Variants in GSPT1 observed in about 807,000 individuals in gnomAD.
GSPT1 encodes G1 to S phase transition 1, also known as eukaryotic peptide chain release factor GTP-binding subunit ERF3A.
In GSPT1, 20 loss-of-function variants were observed where a neutral mutation model predicts 72.5. The ratio of observed to expected loss-of-function variants is 0.28; its 90% CI spans 0.19 to 0.40. The LOEUF is 0.40. Among genes scored for constraint, GSPT1 ranks in the 10% least tolerant of loss-of-function variants. The pLI, the probability that GSPT1 is intolerant of heterozygous loss-of-function variation, is 1.00. For missense variants in GSPT1, 580 were observed against 811.9 expected (o/e 0.71, Z 3.47); for synonymous variants, 334 against 293.5 (o/e 1.14, Z -1.41).
At chr16:11,880,792 A>G (rs956444740) in intron 11 of GSPT1, among the ~76,000 whole-genome samples, 2 of 151,776 alleles carry the variant, frequency 1.3e-5, no homozygotes, top group Non-Finnish European at 3.0e-5. Flanking sequence ...GGAGTTCTTC[A>G]TATATTCTAG....
chr16:11,899,867 T>C (rs1383638577), intron 1 of GSPT1, among the ~76,000 whole-genome samples: 3 of 152,144 alleles, frequency 2.0e-5, no homozygotes, highest in Non-Finnish European at 4.4e-5. Flanking sequence ...TGCCTGCACT[T>C]ATTCCACTGA....
intron 2 of GSPT1, 45 bp downstream of exon 2, chr16:11,897,949 A>G: frequency 2.7e-6 from 4 of 1,457,732 alleles, no homozygotes; most frequent in Non-Finnish European, 3.8e-6. Context: ...CCATATAGAC[A>G]ACCTAATGTT....
chr16:11,876,769 A>C (rs949268736), intron 12 of GSPT1, among the ~76,000 whole-genome samples: 17 of 152,166 alleles, frequency 1.1e-4, no homozygotes, highest in African/African-American at 4.1e-4. Context: ...CAGCAGGCCA[A>C]CTTTCTTATC....
In GSPT1 at chr16:11,877,258, AT is replaced by A. The variant is rs2054060418; in HGVS notation, c.1602+148del. On this transcript the variant is annotated intron_variant, in intron 12 of 14. Coordinates refer to ENST00000434724, the MANE Select transcript of GSPT1 (RefSeq NM_002094.4). The surrounding 1 kb of genome is among the most constrained non-coding windows in gnomAD (Gnocchi z 4.0). ...ATGAGGTGCCTATTGTGGTTATGAT[AT>A]ATAAGTGGCTTATAATATTTCCATT... The A allele has an allele frequency of 5.2e-6, 3 of 576,290 alleles. No homozygotes were observed. The Admixed American group carries it at 1.1e-4, about 20-fold the overall frequency. 35.7% of individuals were successfully genotyped at this position (576,290 alleles called of 1,614,324 possible). A position where few individuals can be genotyped will look rare whatever the true frequency, so the allele number is the denominator to read the frequency against.
At chr16:11,876,225 A>G in intron 12 of GSPT1, 50 bp from the exon 13 acceptor site, 1 of 1,123,916 alleles carries the variant, frequency 8.9e-7, no homozygotes, top group Non-Finnish European at 1.4e-6. Flanking sequence ...GGTAAATAAG[A>G]ATTCAATGTT....
chr16:11,914,931 G>A (rs1234192588), intron 1 of GSPT1: 4 of 1,023,208 alleles, frequency 3.9e-6, no homozygotes, highest in African/African-American at 3.3e-5. Context: ...TGGGCCTAAG[G>A]TGAAAGGAAA....
chr16:11,915,148 T>C (rs2054615239), intron 1 of GSPT1: 1 of 1,040,678 alleles, frequency 9.6e-7, no homozygotes, highest in Non-Finnish European at 1.2e-6. Context: ...TCCGGGTCTT[T>C]GGGCGCGCTG....
chr16:11,913,310 C>G (rs960149462), intron 1 of GSPT1, among the ~76,000 whole-genome samples: 1 of 152,312 alleles, frequency 6.6e-6, no homozygotes, highest in African/African-American at 2.4e-5. Flanking sequence ...AAAACATGAA[C>G]TGGCATTTTG....
chr16:11,905,966 A>G (rs2054484121), intron 1 of GSPT1, among the ~76,000 whole-genome samples: 1 of 152,268 alleles, frequency 6.6e-6, no homozygotes, highest in Non-Finnish European at 1.5e-5. Flanking sequence ...AGTAGTCTCA[A>G]CAAGTTGGCA....
chr16:11,878,822 T>G (rs1355316573), intron 11 of GSPT1, among the ~76,000 whole-genome samples: 1 of 151,766 alleles, frequency 6.6e-6, no homozygotes, highest in Non-Finnish European at 1.5e-5. Context: ...CCTCAGCATT[T>G]TGGGAGGCCG....
At chr16:11,916,047 C>T (rs2054634243), upstream of GSPT1, 3 of 617,730 alleles carry the variant, frequency 4.9e-6, no homozygotes, top group South Asian at 1.4e-5. Flanking sequence ...CGTACCTTCG[C>T]CTCGGTAGTT....
chr16:11,895,425 C>G (rs1417379712), intron 4 of GSPT1: 1 of 82,750 alleles, frequency 1.2e-5, no homozygotes, highest in Admixed American at 1.5e-4. Flanking sequence ...GAGTGAAACT[C>G]CATCTCAAAA....
At chr16:11,892,524 A>AAAAAAAAAAAAT (rs1567443285) in intron 5 of GSPT1, among the ~76,000 whole-genome samples, 2 of 126,646 alleles carry the variant, frequency 1.6e-5, no homozygotes, top group African/African-American at 7.5e-5. Flanking sequence ...CAAAAAAAAC[A>AAAAAAAAAAAAT]AAAAAAACAA....
chr16:11,915,154 C>T (rs2054615390), intron 1 of GSPT1: 1 of 1,032,510 alleles, frequency 9.7e-7, no homozygotes, highest in South Asian at 3.8e-5. Flanking sequence ...TCTTTGGGCG[C>T]GCTGCCCGCT....
intron 1 of GSPT1, among the ~76,000 whole-genome samples, chr16:11,900,367 A>G (rs1016795172): frequency 1.3e-5 from 2 of 151,880 alleles, no homozygotes; most frequent in Non-Finnish European, 2.9e-5. Context: ...ATACATATAT[A>G]TATGTATTGA....
At chr16:11,882,733 T>C (rs556017255) in intron 11 of GSPT1, among the ~76,000 whole-genome samples, 2 of 151,972 alleles carry the variant, frequency 1.3e-5, no homozygotes, top group African/African-American at 2.4e-5. Context: ...GATGGGAGGA[T>C]TGTTTGAGGC....
intron 1 of GSPT1, among the ~76,000 whole-genome samples, chr16:11,900,999 G>GCAAAACAAAAAACA (rs955207651): frequency 6.6e-6 from 1 of 150,728 alleles, no homozygotes; most frequent in Non-Finnish European, 1.5e-5. Context: ...ACCAAAAAAA[G>GCAAAACAAAAAACA]AAAAACAAAA....
Position 11,904,025 on chromosome 16 carries a change from C to G in GSPT1, c.353-5990G>C, listed in dbSNP as rs190958762. 2.3e-4 allele frequency: 51 copies of G among 222,648 alleles called. No homozygotes were observed. The South Asian group carries it at 2.8e-3, about 12-fold the overall frequency. The allele number at this position is 222,648 out of a possible 1,614,324, so 13.8% of individuals were successfully genotyped here. ...TCTTTCTTGGTTCACCCACACCAAA[C>G]TCATACAAAGCTGCAACCCCCAGGG... On this transcript the variant is annotated intron_variant, in intron 1 of 14. Transcript: ENST00000434724.
chr16:11,882,950 C>A, intron 11 of GSPT1, 65 bp downstream of exon 11: 2 of 997,762 alleles, frequency 2.0e-6, no homozygotes, highest in East Asian at 2.5e-5. Context: ...GAAGAAGACC[C>A]TATCTCTTAA....
Sources: gnomAD v4.1 joint callset for allele counts (sites outside exome capture counted in the v4.1 genomes callset) on GRCh38, gnomAD v4.1.1 for gene constraint, Gnocchi (gnomAD v3.1) non-coding constraint, MANE v1.5 for transcripts, NCBI Gene and HGNC (gene_info 2026-07-23, HGNC 2026-07-21) for gene names.